The following TMCC3 variants were observed in gnomAD, a reference collection of about 807,000 sequenced individuals.
TMCC3 encodes transmembrane and coiled-coil domain protein 3.
TMCC3 carries 28 observed loss-of-function variants against 40.2 expected under a neutral mutation model. The observed-to-expected ratio is 0.70, with a 90% CI of 0.52 to 0.95. TMCC3 has a LOEUF of 0.95. TMCC3 is among the 40% of genes least tolerant of loss of function. The pLI, the probability that TMCC3 is intolerant of heterozygous loss-of-function variation, is 0.00. For missense variants in TMCC3, 554 were observed against 615.2 expected, an observed-to-expected ratio of 0.90 and a Z score of 1.05; for synonymous variants, 255 against 248.5, an observed-to-expected ratio of 1.03 and a Z score of -0.25.
In TMCC3 at chr12:94,581,813, G is replaced by A. The variant is rs776388594; in HGVS notation, c.804C>T (p.Asn268=). The change falls in exon 2 of 4, where the codon AAC becomes AAT. Residue 268 remains asparagine, a synonymous_variant. Transcript: ENST00000261226. ...SSGTSGSADS[N]GNQSFGAGGA... ...CACCAGCCCCAAACGACTGGTTTCC[G>A]TTACTGTCGGCCGAGCCTGACGTGC... 125 of 1,613,928 alleles carry A rather than the reference G, an allele frequency of 7.7e-5. No individual in the cohort carries two copies. In the South Asian group the frequency reaches 7.8e-4, roughly 10 times the overall value.
chr12:94,644,260 C>A (rs1268045507), intron 1 of TMCC3: 21 of 358,354 alleles, frequency 5.9e-5, no homozygotes, highest in Non-Finnish European at 7.8e-5. Context: ...GGTTCTCTTC[C>A]TCTTCTCTTG....
intron 1 of TMCC3, chr12:94,615,909 G>T (rs376573445): frequency 1.4e-5 from 14 of 985,082 alleles, no homozygotes; most frequent in Non-Finnish European, 1.7e-5. Flanking sequence ...CGGAAGAGTT[G>T]TGAAGAGACT....
At chr12:94,586,361 A>C (rs1420788877) in intron 1 of TMCC3, among the ~76,000 whole-genome samples, 1 of 152,202 alleles carries the variant, frequency 6.6e-6, no homozygotes, top group Admixed American at 6.5e-5. Flanking sequence ...GCCCTCCTTC[A>C]ATCTCAACGA....
rs1467855760 is a variant in TMCC3 at position 94,578,165 on chromosome 12, A to AAAAAG, written c.1131+228_1131+229insCTTTT. ...TCACCTCAAAAAAAAAAAAAAAAAA[A>AAAAAG]AAAGAAAAAGAAAAAGAAAAAAAAA... On this transcript the variant is annotated intron_variant, in intron 3 of 3. Coordinates refer to ENST00000261226, the MANE Select transcript of TMCC3 (RefSeq NM_020698.4). Among the ~76,000 whole-genome samples the AAAAAG allele has an allele frequency of 3.9e-3, 485 of 123,264 alleles. 19 individuals are homozygous for AAAAAG. Among genetic ancestry groups the AAAAAG allele is most frequent in the African/African-American group, 0.016 (464 of 29,412 alleles). 80.9% of individuals were successfully genotyped at this position (123,264 alleles called of 152,430 possible). A position where few individuals can be genotyped will look rare whatever the true frequency, so the allele number is the denominator to read the frequency against.
chr12:94,614,286 T>C (rs2068834910), intron 1 of TMCC3, among the ~76,000 whole-genome samples: 1 of 152,126 alleles, frequency 6.6e-6, no homozygotes, highest in African/African-American at 2.4e-5. Context: ...TGACCTGGTC[T>C]CAAAGGTCCT....
intron 1 of TMCC3, among the ~76,000 whole-genome samples, chr12:94,630,824 G>A (rs2068929467): frequency 6.6e-6 from 1 of 152,182 alleles, no homozygotes; most frequent in South Asian, 2.1e-4. Flanking sequence ...CACCTCCCGG[G>A]TTCAAGCGAT....
At chr12:94,603,298 GT>G (rs761019028) in intron 1 of TMCC3, among the ~76,000 whole-genome samples, 6 of 152,106 alleles carry the variant, frequency 3.9e-5, no homozygotes, top group Non-Finnish European at 7.4e-5. Context: ...TTGTATTTTA[GT>G]ACAGACGGGG....
chr12:94,576,272 C>T (rs1356918142), intron 3 of TMCC3, among the ~76,000 whole-genome samples: 1 of 152,186 alleles, frequency 6.6e-6, no homozygotes, highest in Non-Finnish European at 1.5e-5. Context: ...CTGGGATTAG[C>T]ACAGGCTCAG....
intron 1 of TMCC3, among the ~76,000 whole-genome samples, chr12:94,607,470 A>G (rs1328579593): frequency 2.6e-5 from 4 of 152,254 alleles, no homozygotes; most frequent in African/African-American, 4.8e-5. Context: ...AAAGACAGGC[A>G]TAAGAAATTA....
At chr12:94,649,845 G>A (rs1369228561) in intron 1 of TMCC3, among the ~76,000 whole-genome samples, 1 of 152,282 alleles carries the variant, frequency 6.6e-6, no homozygotes, top group African/African-American at 2.4e-5. Context: ...TTTCACTTGG[G>A]CAGAGCCCGT....
chr12:94,647,943 C>A (rs181783407), intron 1 of TMCC3, among the ~76,000 whole-genome samples: 12 of 152,296 alleles, frequency 7.9e-5, no homozygotes, highest in Admixed American at 7.2e-4. Flanking sequence ...GCTGTCTCAA[C>A]AATAAAAAAC....
chr12:94,648,351 C>G (rs1457307067), intron 1 of TMCC3, among the ~76,000 whole-genome samples: 3 of 152,114 alleles, frequency 2.0e-5, no homozygotes, highest in Admixed American at 2.0e-4. Flanking sequence ...CTCACCCTCC[C>G]GAGTAGCTGG....
At chr12:94,616,106 G>C (rs1291821977) in intron 1 of TMCC3, 1 of 985,240 alleles carries the variant, frequency 1.0e-6, no homozygotes, top group African/African-American at 1.7e-5. Flanking sequence ...GTTTGTCTCA[G>C]AGAAACTCCA....
At chr12:94,574,295 G>T (rs1056342703) in intron 3 of TMCC3, among the ~76,000 whole-genome samples, 1 of 151,960 alleles carries the variant, frequency 6.6e-6, no homozygotes, top group African/African-American at 2.4e-5. Flanking sequence ...GGTTGAGGCA[G>T]GAGAATCACT....
chr12:94,580,601 G>C (rs2138823899), intron 2 of TMCC3, among the ~76,000 whole-genome samples: 1 of 152,258 alleles, frequency 6.6e-6, no homozygotes, highest in Admixed American at 6.5e-5. Context: ...TGGGCGTGGT[G>C]GTGGGTGCGT....
chr12:94,625,463 G>A (rs1209990089), intron 1 of TMCC3, among the ~76,000 whole-genome samples: 4 of 151,686 alleles, frequency 2.6e-5, no homozygotes, highest in African/African-American at 9.7e-5. Context: ...GCGTGGTGGT[G>A]CACGCTTGTA....
chr12:94,587,231 G>T (rs1433070778), intron 1 of TMCC3, among the ~76,000 whole-genome samples: 1 of 152,172 alleles, frequency 6.6e-6, no homozygotes, highest in Non-Finnish European at 1.5e-5. Flanking sequence ...ACACTGTGTG[G>T]ATCAGGACAC....
chr12:94,650,366 C>T lies in TMCC3; in HGVS notation c.65G>A (p.Arg22His), dbSNP rs1188293579. The change falls in exon 1 of 4, where the codon CGC becomes CAC. Residue 22 changes from arginine to histidine, a missense_variant. By Grantham distance (29) the Arg-to-His change is conservative. Coordinates refer to ENST00000261226, the MANE Select transcript of TMCC3 (RefSeq NM_020698.4). ...CGCTGCGCTCACCCGGCTCTTGCAG[C>T]GGTGGTGCCGGCCGGGGTACGAGTA... ...RTYSYPGRHH[R>H]CKSRVERHDM... 7.5e-7 allele frequency: 1 copy of T among 1,337,416 alleles called. No homozygotes were observed. The allele number at this position is 1,337,416 out of a possible 1,614,324, so 82.8% of individuals were successfully genotyped here. A position where few individuals can be genotyped will look rare whatever the true frequency, so the allele number is the denominator to read the frequency against.
intron 1 of TMCC3, among the ~76,000 whole-genome samples, chr12:94,635,792 G>C (rs988475130): frequency 2.5e-4 from 37 of 150,562 alleles, no homozygotes; most frequent in African/African-American, 8.8e-4. Flanking sequence ...TCAGCCTTCC[G>C]AGTAGCTGGG....
Sources: gnomAD v4.1 joint callset for allele counts (sites outside exome capture counted in the v4.1 genomes callset) on GRCh38, gnomAD v4.1.1 for gene constraint, MANE v1.5 for transcripts, NCBI Gene and HGNC (gene_info 2026-07-23, HGNC 2026-07-21) for gene names.